Variants in TCF19 observed in about 807,000 individuals in gnomAD.
The protein encoded by TCF19 is transcription factor 19, also known as transcription factor SC1.
TCF19 carries 9 observed loss-of-function variants against 18.3 expected under a neutral mutation model. The observed-to-expected ratio is 0.49, with a 90% CI of 0.30 to 0.86. TCF19 has a LOEUF of 0.86. Among genes scored for constraint, TCF19 ranks in the 40% least tolerant of loss-of-function variants. TCF19 has a pLI of 0.07. For missense variants in TCF19, 376 were observed against 464.3 expected (o/e 0.81, Z 1.75); for synonymous variants, 176 against 185.3 (o/e 0.95, Z 0.41).
chr6:31,163,244 TG>T lies in TCF19; in HGVS notation c.*530del, dbSNP rs1776923040. On this transcript the variant is annotated 3_prime_UTR_variant, in exon 4 of 4. Transcript: ENST00000376257. ...AAGGACAAGCCGCTTCATTCACTCC[TG>T]GGCATTTACTCTTCTTGTGGGTCTG... The T allele has an allele frequency of 1.0e-6, 1 of 990,884 alleles. No individual in the cohort carries two copies. The highest frequency in any genetic ancestry group is 1.2e-6 in the Non-Finnish European group (1 of 833,074). The allele number at this position is 990,884 out of a possible 1,614,324, so 61.4% of individuals were successfully genotyped here.
In TCF19 at chr6:31,161,952, T is replaced by A; in HGVS notation, c.744T>A (p.Leu248=). The A allele has an allele frequency of 1.2e-6, 2 of 1,612,780 alleles. No homozygotes were observed. The highest frequency in any genetic ancestry group is 1.7e-6 in the Non-Finnish European group (2 of 1,179,904). ...SEPPENPPPV[L]MEPRKKLRVD... is the part of the protein sequence containing the mutation. ...CTCCTGAGAACCCGCCACCGGTCCT[T>A]ATGGAGCCCAGGAAGAAACTCCGTG... The change falls in exon 3 of 4, where the codon CTT becomes CTA. Residue 248 remains leucine (L), a synonymous_variant. Transcript: ENST00000376257.
Position 31,161,384 on chromosome 6 carries a change from C to A in TCF19, c.239-63C>A, listed in dbSNP as rs1776764924. ...CCCAGAAATCATACAGATTTCTCCA[C>A]TCCTGACTCTGGTCATTTCTGTTTT... On this transcript the variant is annotated intron_variant, in intron 2 of 3. Transcript: ENST00000376257. The A allele has an allele frequency of 2.3e-6, 3 of 1,281,028 alleles. No individual in the cohort carries two copies. In the Admixed American group the frequency reaches 8.7e-5, roughly 37 times the overall value. The allele number at this position is 1,281,028 out of a possible 1,614,324, so 79.4% of individuals were successfully genotyped here.
Position 31,162,597 on chromosome 6 carries a change from C to G in TCF19, c.918C>G (p.Ala306=). ...GCCTGCCCCAGGAAGAGACAGTGGC[C>G]TGGGTTCAGTGTGATGGCTGTGACG... ...CCCLPQEETV[A]WVQCDGCDVW... Residue 306 remains alanine (A), a synonymous_variant, in exon 4 of 4, where the codon GCC becomes GCG. Coordinates refer to ENST00000376257, the MANE Select transcript of TCF19 (RefSeq NM_007109.3). The surrounding 1 kb of genome is among the most constrained non-coding windows in gnomAD (Gnocchi z 4.5). 6 of 1,612,968 alleles carry G rather than the reference C, an allele frequency of 3.7e-6. No individual in the cohort carries two copies. Among genetic ancestry groups the G allele is most frequent in the Non-Finnish European group, 5.1e-6 (6 of 1,180,012 alleles).
rs1437979845 is a variant in TCF19 at position 31,161,896 on chromosome 6, G to C, written c.688G>C (p.Val230Leu). 11 of 1,613,026 alleles carry C rather than the reference G, an allele frequency of 6.8e-6. No homozygotes were observed. The highest frequency in any genetic ancestry group is 5.9e-6 in the Non-Finnish European group (7 of 1,180,010). ...QRNRRKSVHR[V>L]LAELDDESEP... is the part of the protein sequence containing the mutation. ...CAATCGGAGGAAATCTGTTCACCGA[G>C]TGTTGGCGGAACTGGATGATGAGAG... is the stretch of plus-strand genomic sequence containing the variant. Residue 230 changes from valine to leucine, a missense_variant, in exon 3 of 4, where the codon GTG (valine) becomes CTG (leucine). Physicochemically the swap from Val to Leu is conservative, Grantham distance 32 (BLOSUM62 1). Coordinates refer to ENST00000376257, the MANE Select transcript of TCF19 (RefSeq NM_007109.3).
rs1240181246 is a variant in TCF19, at chr6:31,162,972, G to T, written c.*255G>T. 13 of 1,383,152 alleles carry T rather than the reference G, an allele frequency of 9.4e-6. No individual in the cohort carries two copies. The highest frequency in any genetic ancestry group is 1.2e-5 in the Non-Finnish European group (13 of 1,072,644). 85.7% of individuals were successfully genotyped at this position (1,383,152 alleles called of 1,614,324 possible). On this transcript the variant is annotated 3_prime_UTR_variant, in exon 4 of 4. Transcript: ENST00000376257. This position sits in a 1 kb window ranked among gnomAD's most constrained non-coding sequence, Gnocchi z 4.5. The stretch of plus-strand genomic sequence containing the variant: ...GAGCTGGAAGTTCCCACTATTACAA[G>T]CCATAAGGCCATGTTGCCATGGACA...
chr6:31,161,780 CCTT>C lies in TCF19; in HGVS notation c.575_577del (p.Phe192del). On this transcript the variant is annotated inframe_deletion, in exon 3 of 4. Coordinates refer to ENST00000376257, the MANE Select transcript of TCF19 (RefSeq NM_007109.3). ...AGCAAGCTCCGGCCCCAGCCCCTCA[CCTT>C]CTCCCCTAGTTGGGGTGGACCAAAG... The C allele has an allele frequency of 6.2e-7, 1 of 1,607,170 alleles. No individual in the cohort carries two copies. Among genetic ancestry groups the C allele is most frequent in the Non-Finnish European group, 8.5e-7 (1 of 1,176,692 alleles).
intron 2 of TCF19, among the ~76,000 whole-genome samples, chr6:31,160,950 G>A (rs1776721976): frequency 6.6e-6 from 1 of 152,038 alleles, no homozygotes; most frequent in African/African-American, 2.4e-5. Context: ...GAGGTCAGGA[G>A]TATGAGACCA....
rs768856564 is a variant in TCF19 at position 31,161,689 on chromosome 6, C to T, written c.481C>T (p.Arg161Trp). 3.1e-5 allele frequency: 47 copies of T among 1,532,774 alleles called. No individual in the cohort carries two copies. The highest frequency in any genetic ancestry group is 2.4e-4 in the South Asian group (19 of 77,590). 94.9% of individuals were successfully genotyped at this position (1,532,774 alleles called of 1,614,324 possible). Reference protein sequence around the residue: ...PMLPSQGAPQRPLSTFSPAPK... With the variant: ...PMLPSQGAPQWPLSTFSPAPK... ...GCTGCCCTCCCAGGGGGCTCCACAG[C>T]GGCCTCTCAGCACCTTCTCCCCTGC... Residue 161 changes from arginine (R) to tryptophan (W), a missense_variant, in exon 3 of 4, where the codon CGG becomes TGG. Transcript: ENST00000376257.
At position 31,163,094 on chromosome 6, in the gene TCF19, T is replaced by A; in HGVS notation, c.*377T>A. ...GGAGTTCTTAAGGTTCTTGGTGGCA[T>A]CACCCAAGGCATTCTGGGAAAACCT... On this transcript the variant is annotated 3_prime_UTR_variant, in exon 4 of 4. Transcript: ENST00000376257. The A allele has an allele frequency of 9.4e-7, 1 of 1,067,562 alleles. No individual in the cohort carries two copies. Among genetic ancestry groups the A allele is most frequent in the Non-Finnish European group, 1.1e-6 (1 of 881,332 alleles). The allele number at this position is 1,067,562 out of a possible 1,614,324, so 66.1% of individuals were successfully genotyped here. A position where few individuals can be genotyped will look rare whatever the true frequency, so the allele number is the denominator to read the frequency against.
rs780089064 is a variant in TCF19, at chr6:31,161,945, C to T, written c.737C>T (p.Pro246Leu). Residue 246 changes from proline to leucine, a missense_variant, in exon 3 of 4, where the codon CCG becomes CTG. Transcript: ENST00000376257. ...DESEPPENPP[P>L]VLMEPRKKLR... Reference sequence around the variant, plus strand: ...AGTGAGCCTCCTGAGAACCCGCCACCGGTCCTTATGGAGCCCAGGAAGAAA... The same window carrying T: ...AGTGAGCCTCCTGAGAACCCGCCACTGGTCCTTATGGAGCCCAGGAAGAAA... 8 of 1,612,934 alleles carry T rather than the reference C, an allele frequency of 5.0e-6. No individual in the cohort carries two copies. Among genetic ancestry groups the T allele is most frequent in the South Asian group, 4.4e-5 (4 of 91,080 alleles).
rs1776791168 is a variant in TCF19, at chr6:31,161,710, C to T, written c.502C>T (p.Pro168Ser). 2 of 1,547,582 alleles carry T rather than the reference C, an allele frequency of 1.3e-6. No homozygotes were observed. The highest frequency in any genetic ancestry group is 1.7e-6 in the Non-Finnish European group (2 of 1,146,296). Residue 168 changes from proline (P) to serine (S), a missense_variant, in exon 3 of 4, where the codon CCT (proline) becomes TCT (serine). By Grantham distance (74) the Pro-to-Ser change is moderately conservative. Coordinates refer to ENST00000376257, the MANE Select transcript of TCF19 (RefSeq NM_007109.3). ...ACAGCGGCCTCTCAGCACCTTCTCCCCTGCCCCCAAGGCCACACTGATCCT... is the reference window on the plus strand; with the variant it reads ...ACAGCGGCCTCTCAGCACCTTCTCCTCTGCCCCCAAGGCCACACTGATCCT... Reference protein sequence around the residue: ...APQRPLSTFSPAPKATLILNS... With the variant: ...APQRPLSTFSSAPKATLILNS...
chr6:31,163,972 AAGAAAGCACAAAGT>A lies in TCF19; in HGVS notation c.*1257_*1270del. 2 of 987,376 alleles carry A rather than the reference AAGAAAGCACAAAGT, an allele frequency of 2.0e-6. No homozygotes were observed. Among genetic ancestry groups the A allele is most frequent in the Non-Finnish European group, 2.4e-6 (2 of 831,196 alleles). 61.2% of individuals were successfully genotyped at this position (987,376 alleles called of 1,614,324 possible). ...TGGAAACCAAATAGACCCTGGTATC[AAGAAAGCACAAAGT>A]ATTAATAGAAGTTTCTGGTTGGGGT... On this transcript the variant is annotated 3_prime_UTR_variant, in exon 4 of 4. Coordinates refer to ENST00000376257, the MANE Select transcript of TCF19 (RefSeq NM_007109.3).
In TCF19 at chr6:31,163,501, A is replaced by G. The variant is rs1168267446; in HGVS notation, c.*784A>G. 1.0e-6 allele frequency: 1 copy of G among 985,368 alleles called. No individual in the cohort carries two copies. Among genetic ancestry groups the G allele is most frequent in the African/African-American group, 1.7e-5 (1 of 57,256 alleles). 61.0% of individuals were successfully genotyped at this position (985,368 alleles called of 1,614,324 possible). The stretch of plus-strand genomic sequence containing the variant: ...GGGATTTGGTTAAGTTCACAAAGAT[A>G]GCAGAAGATTTATTTACAGGCTTCA... On this transcript the variant is annotated 3_prime_UTR_variant, in exon 4 of 4. Coordinates refer to ENST00000376257, the MANE Select transcript of TCF19 (RefSeq NM_007109.3).
In TCF19 at chr6:31,163,145, C is replaced by T; in HGVS notation, c.*428C>T. 2 of 1,022,498 alleles carry T rather than the reference C, an allele frequency of 2.0e-6. No homozygotes were observed. The highest frequency in any genetic ancestry group is 1.2e-6 in the Non-Finnish European group (1 of 852,718). The allele number at this position is 1,022,498 out of a possible 1,614,324, so 63.3% of individuals were successfully genotyped here. ...AGGGCCTGGCCCCAAAACTTCCCTA[C>T]TCTGTGGCTAGTCCTGCTGCCAACA... On this transcript the variant is annotated 3_prime_UTR_variant, in exon 4 of 4. Transcript: ENST00000376257.
In TCF19 at chr6:31,163,405, G is replaced by A. The variant is rs767245237; in HGVS notation, c.*688G>A. The A allele has an allele frequency of 2.2e-5, 22 of 985,396 alleles. No homozygotes were observed. Among genetic ancestry groups the A allele is most frequent in the Non-Finnish European group, 2.5e-5 (21 of 829,990 alleles). 61.0% of individuals were successfully genotyped at this position (985,396 alleles called of 1,614,324 possible). On this transcript the variant is annotated 3_prime_UTR_variant, in exon 4 of 4. Coordinates refer to ENST00000376257, the MANE Select transcript of TCF19 (RefSeq NM_007109.3). ...TGCAAATATATGGGTTGAGCTGGAG[G>A]TAGGAATACAGGTAATTAAGGTTTC...
At position 31,162,148 on chromosome 6, in the gene TCF19, T is replaced by G; in HGVS notation, c.797+143T>G. On this transcript the variant is annotated intron_variant, in intron 3 of 3. Transcript: ENST00000376257. This position sits in a 1 kb window ranked among gnomAD's most constrained non-coding sequence, Gnocchi z 4.5. Reference sequence around the variant, plus strand: ...GGAATGGCAAGACCTGGGTTAGCTCTGATAGGAAAAGAAAAATATGTGCAG... The same window carrying G: ...GGAATGGCAAGACCTGGGTTAGCTCGGATAGGAAAAGAAAAATATGTGCAG... 1 of 1,001,262 alleles carries G rather than the reference T, an allele frequency of 1.0e-6. No homozygotes were observed. Among genetic ancestry groups the G allele is most frequent in the Non-Finnish European group, 1.4e-6 (1 of 706,304 alleles). The allele number at this position is 1,001,262 out of a possible 1,614,324, so 62.0% of individuals were successfully genotyped here.
In TCF19 at chr6:31,159,695, C is replaced by G. The variant is rs754585671; in HGVS notation, c.226C>G (p.His76Asp). 2.5e-6 allele frequency: 4 copies of G among 1,614,126 alleles called. No individual in the cohort carries two copies. In the South Asian group the frequency reaches 4.4e-5, roughly 18 times the overall value. The change falls in exon 2 of 4, where the codon CAC becomes GAC. Residue 76 changes from histidine (H) to aspartate (D), a missense_variant. Coordinates refer to ENST00000376257, the MANE Select transcript of TCF19 (RefSeq NM_007109.3). The stretch of plus-strand genomic sequence containing the variant: ...TGACTGGAGGGTCAGCCTGGAAGAC[C>G]ACAGCAGCCAAGGTGAGCATTAAGC... ...GDDWRVSLED[H>D]SSQGTLVNNV...
At chr6:31,161,410 T>G (rs775819690) in intron 2 of TCF19, 37 bp from the exon 3 acceptor site, 12 of 1,367,536 alleles carry the variant, frequency 8.8e-6, no homozygotes, top group Non-Finnish European at 1.1e-5. Flanking sequence ...TTTCTGTTTT[T>G]GTCCTCCATA....
In TCF19 at chr6:31,163,512, T is replaced by A. The variant is rs1776941124; in HGVS notation, c.*795T>A. Reference sequence around the variant, plus strand: ...AAGTTCACAAAGATAGCAGAAGATTTATTTACAGGCTTCACCTGTACTGTC... The same window carrying A: ...AAGTTCACAAAGATAGCAGAAGATTAATTTACAGGCTTCACCTGTACTGTC... On this transcript the variant is annotated 3_prime_UTR_variant, in exon 4 of 4. Coordinates refer to ENST00000376257, the MANE Select transcript of TCF19 (RefSeq NM_007109.3). 1 of 985,336 alleles carries A rather than the reference T, an allele frequency of 1.0e-6. No individual in the cohort carries two copies. Among genetic ancestry groups the A allele is most frequent in the Non-Finnish European group, 1.2e-6 (1 of 829,954 alleles). 61.0% of individuals were successfully genotyped at this position (985,336 alleles called of 1,614,324 possible). A position where few individuals can be genotyped will look rare whatever the true frequency, so the allele number is the denominator to read the frequency against.
Sources: gnomAD v4.1 joint callset for allele counts (sites outside exome capture counted in the v4.1 genomes callset) on GRCh38, gnomAD v4.1.1 for gene constraint, Gnocchi (gnomAD v3.1) non-coding constraint, MANE v1.5 for transcripts, NCBI Gene and HGNC (gene_info 2026-07-23, HGNC 2026-07-21) for gene names.